Variants in VPS13C observed in about 807,000 individuals in gnomAD.
The protein encoded by VPS13C is vacuolar protein sorting 13 homolog C.
VPS13C carries 358 observed loss-of-function variants against 456.8 expected under a neutral mutation model. The ratio of observed to expected loss-of-function variants is 0.78; its 90% CI spans 0.72 to 0.86. The LOEUF (loss-of-function observed/expected upper bound fraction) is 0.86. Among genes scored for constraint, VPS13C ranks in the 40% least tolerant of loss-of-function variants. The pLI is 0.00. For missense variants in VPS13C, 4,818 were observed against 4,385.4 expected (o/e 1.10, Z -2.79); for synonymous variants, 1,578 against 1,486.7 (o/e 1.06, Z -1.41).
chr15:62,004,766 A>G (rs989105420), intron 15 of VPS13C, among the ~76,000 whole-genome samples: 1 of 149,408 alleles, frequency 6.7e-6, no homozygotes, highest in Non-Finnish European at 1.5e-5. Context: ...TTCTGCCTTC[A>G]TTTCGTTATG....
At chr15:62,039,918 T>C (rs556321818) in intron 3 of VPS13C, among the ~76,000 whole-genome samples, 5 of 152,314 alleles carry the variant, frequency 3.3e-5, no homozygotes, top group African/African-American at 1.2e-4. Context: ...TCATGTTTAA[T>C]GCAGCACTAT....
At chr15:61,910,536 T>C (rs1295088132) in intron 63 of VPS13C, among the ~76,000 whole-genome samples, 2 of 152,186 alleles carry the variant, frequency 1.3e-5, no homozygotes, top group Non-Finnish European at 2.9e-5. Context: ...GTATTTATGG[T>C]ATAATTGCAA....
At chr15:62,010,423 G>GTCA in intron 13 of VPS13C, 49 bp downstream of exon 13, 1 of 1,469,358 alleles carries the variant, frequency 6.8e-7, no homozygotes, top group East Asian at 2.5e-5. Flanking sequence ...AATAAAAGCA[G>GTCA]TCAAGATTCA....
rs761693355 is a variant in VPS13C, at chr15:61,930,063, G to A, written c.6039-315C>T. On this transcript the variant is annotated intron_variant, in intron 50 of 84. Transcript: ENST00000644861. Reference sequence around the variant, plus strand: ...CTAAAGAAACAAACCAATAATGGCCGGAAAGGAATTTGGGCAATTAACAAA... The same window carrying A: ...CTAAAGAAACAAACCAATAATGGCCAGAAAGGAATTTGGGCAATTAACAAA... Among the ~76,000 whole-genome samples, 39 of 152,144 alleles carry A rather than the reference G, an allele frequency of 2.6e-4. 1 individual carries two copies. Among genetic ancestry groups the A allele is most frequent in the South Asian group, 2.1e-4 (1 of 4,816 alleles).
At chr15:62,002,268 AG>A (rs2046651442) in intron 15 of VPS13C, among the ~76,000 whole-genome samples, 1 of 152,222 alleles carries the variant, frequency 6.6e-6, no homozygotes, top group Non-Finnish European at 1.5e-5. Flanking sequence ...TCTGATGGCC[AG>A]TGATGGTGAG....
rs563185822 is a variant in VPS13C at position 61,906,337 on chromosome 15, CACCAA to C, written c.9105+922_9105+926del. Among the ~76,000 whole-genome samples, 3 of 152,296 alleles carry C rather than the reference CACCAA, an allele frequency of 2.0e-5. No homozygotes were observed. The South Asian group carries it at 6.2e-4, about 32-fold the overall frequency. ...CTCTTCCTACTGCCTCATTCTCTAA[CACCAA>C]ATAGAAGAGAAACATTAAAAACTGA... On this transcript the variant is annotated intron_variant, in intron 66 of 84. Coordinates refer to ENST00000644861, the MANE Select transcript of VPS13C (RefSeq NM_020821.3).
In VPS13C at chr15:61,878,600, G is replaced by A; in HGVS notation, c.10142+7C>T. The A allele has an allele frequency of 1.2e-6, 2 of 1,606,306 alleles. No homozygotes were observed. The highest frequency in any genetic ancestry group is 1.7e-6 in the Non-Finnish European group (2 of 1,177,282). On this transcript the variant is annotated splice_region_variant and intron_variant, in intron 74 of 84. Transcript: ENST00000644861. ...TGCTTCTCAATGTACTCTAACAGAA[G>A]TCTTACTTGAATATAAGGTCATCCA...
At chr15:61,992,714 A>C (rs537452610) in intron 16 of VPS13C, among the ~76,000 whole-genome samples, 3 of 152,260 alleles carry the variant, frequency 2.0e-5, no homozygotes, top group Admixed American at 2.0e-4. Context: ...AGTAAATGAC[A>C]AATCAGCTAC....
intron 3 of VPS13C, among the ~76,000 whole-genome samples, chr15:62,040,980 C>A (rs1239529863): frequency 1.3e-5 from 2 of 152,068 alleles, no homozygotes; most frequent in Non-Finnish European, 2.9e-5. Context: ...AGTTTACCTA[C>A]TGGAGTTTGC....
intron 1 of VPS13C, among the ~76,000 whole-genome samples, chr15:62,048,898 CTTCTT>C (rs1379862207): frequency 1.3e-5 from 2 of 151,878 alleles, no homozygotes; most frequent in Non-Finnish European, 2.9e-5. Context: ...GCATAAATGT[CTTCTT>C]TTGAGAAGTG....
intron 7 of VPS13C, 41 bp from the exon 8 acceptor site, chr15:62,023,561 T>A: frequency 7.0e-7 from 1 of 1,423,538 alleles, no homozygotes; most frequent in Non-Finnish European, 9.5e-7. Flanking sequence ...GAGTTGAAAT[T>A]CTCATATACC....
intron 76 of VPS13C, among the ~76,000 whole-genome samples, chr15:61,875,267 CAAGAGT>C (rs1430003829): frequency 6.6e-6 from 1 of 152,058 alleles, no homozygotes; most frequent in Non-Finnish European, 1.5e-5. Flanking sequence ...GCAGTGATAA[CAAGAGT>C]AAGAGCCCAC....
chr15:62,039,814 C>T (rs1349079023), intron 3 of VPS13C, among the ~76,000 whole-genome samples: 1 of 152,000 alleles, frequency 6.6e-6, no homozygotes, highest in Non-Finnish European at 1.5e-5. Flanking sequence ...CCTCAAAAAA[C>T]TAAAAATAGA....
intron 62 of VPS13C, among the ~76,000 whole-genome samples, chr15:61,912,392 T>C (rs2043327799): frequency 6.6e-6 from 1 of 152,218 alleles, no homozygotes; most frequent in Non-Finnish European, 1.5e-5. Context: ...CATCATATTA[T>C]TCAAATTTTC....
rs1216361441 is a variant in VPS13C at position 61,880,896 on chromosome 15, C to A, written c.9835G>T (p.Ala3279Ser). The change falls in exon 72 of 85, where the codon GCT becomes TCT. Residue 3279 changes from alanine to serine, a missense_variant. Transcript: ENST00000644861. ...GTTGGGGTAAACAGTGCAATAATAG[C>A]TCCTAGAAACCCTTGATCAATTTTT... ...ALKIDQGFLGAIIALFTPTTD... is the reference protein window; with the variant it reads ...ALKIDQGFLGSIIALFTPTTD... 5 of 1,610,532 alleles carry A rather than the reference C, an allele frequency of 3.1e-6. No individual in the cohort carries two copies. The highest frequency in any genetic ancestry group is 4.2e-6 in the Non-Finnish European group (5 of 1,178,490).
At chr15:62,023,608 T>C in intron 7 of VPS13C, 88 bp from the exon 8 acceptor site, 1 of 1,155,382 alleles carries the variant, frequency 8.7e-7, no homozygotes, top group Non-Finnish European at 1.2e-6. Flanking sequence ...AAGGTACTAC[T>C]CAATGGAAAT....
Position 62,023,530 on chromosome 15 carries a change from A to C in VPS13C, c.515-10T>G. On this transcript the variant is annotated splice_polypyrimidine_tract_variant and intron_variant, in intron 7 of 84. Coordinates refer to ENST00000644861, the MANE Select transcript of VPS13C (RefSeq NM_020821.3). The stretch of plus-strand genomic sequence containing the variant: ...GCTTCTTTTGGCTTATCTATTAAAA[A>C]ATAGAAAAATACAAGCTCAAGAGTT... The C allele has an allele frequency of 6.5e-7, 1 of 1,540,824 alleles. No individual in the cohort carries two copies. The highest frequency in any genetic ancestry group is 8.7e-7 in the Non-Finnish European group (1 of 1,145,036).
intron 16 of VPS13C, among the ~76,000 whole-genome samples, chr15:61,994,052 A>AT (rs1418513961): frequency 6.6e-6 from 1 of 152,140 alleles, no homozygotes; most frequent in African/African-American, 2.4e-5. Flanking sequence ...CTTTCCCTCA[A>AT]TTACCCCCTT....
chr15:61,903,763 A>C (rs1478476394), intron 66 of VPS13C, among the ~76,000 whole-genome samples: 1 of 152,196 alleles, frequency 6.6e-6, no homozygotes, highest in East Asian at 1.9e-4. Context: ...AGTAACCAAA[A>C]CATCGTGGCA....
Sources: allele counts gnomAD v4.1 joint callset (sites outside exome capture counted in the v4.1 genomes callset), GRCh38; gene constraint gnomAD v4.1.1; transcripts MANE v1.5; gene names NCBI Gene and HGNC (gene_info 2026-07-23, HGNC 2026-07-21).